Variants in PCDHGA3 observed in about 807,000 individuals in gnomAD.
PCDHGA3 encodes the protein protocadherin gamma-A3.
Under a neutral mutation model 58.5 loss-of-function variants are expected in PCDHGA3, and 40 were observed. The ratio of observed to expected loss-of-function variants is 0.68; its 90% CI spans 0.53 to 0.89. PCDHGA3 has a LOEUF of 0.89. Ranked by LOEUF, PCDHGA3 falls within the 40% of genes least tolerant of loss-of-function variation. The pLI, the probability that PCDHGA3 is intolerant of heterozygous loss-of-function variation, is 0.00. For synonymous variants in PCDHGA3, 530 were observed against 525.7 expected, an observed-to-expected ratio of 1.01 and a Z score of -0.11; for missense variants, 1,223 against 1,195.9, an observed-to-expected ratio of 1.02 and a Z score of -0.33.
In PCDHGA3 at chr5:141,457,578, C is replaced by T. The variant is rs538068150; in HGVS notation, c.2425-37229C>T. Among the ~76,000 whole-genome samples, 38 of 152,304 alleles carry T rather than the reference C, an allele frequency of 2.5e-4. No individual in the cohort carries two copies. The South Asian group carries it at 7.7e-3, about 31-fold the overall frequency. ...AGCTTTGGAGCAAAATTTTTCTCTC[C>T]AGTCCTCATTTTTGGTAAAAACTAA... On this transcript the variant is annotated intron_variant, in intron 1 of 3. Coordinates refer to ENST00000253812, the MANE Select transcript of PCDHGA3 (RefSeq NM_018916.4).
chr5:141,427,775 G>A (rs768191014), intron 1 of PCDHGA3: 35 of 1,424,948 alleles, frequency 2.5e-5, no homozygotes, highest in Non-Finnish European at 2.9e-5. Context: ...TGGAGCTGCG[G>A]GCACTGTCGT....
At chr5:141,409,964 G>A (rs1042730924) in intron 1 of PCDHGA3, 5 of 1,613,300 alleles carry the variant, frequency 3.1e-6, no homozygotes, top group East Asian at 2.2e-5. Flanking sequence ...CGGCTACCTA[G>A]TGACTAAGGT....
At chr5:141,438,362 T>C (rs1471364176) in intron 1 of PCDHGA3, among the ~76,000 whole-genome samples, 1 of 151,850 alleles carries the variant, frequency 6.6e-6, no homozygotes, top group East Asian at 1.9e-4. Flanking sequence ...TGTATTGTCA[T>C]TGAGGGCAGA....
chr5:141,476,267 G>T lies in PCDHGA3; in HGVS notation c.2425-18540G>T, dbSNP rs373758158. 15 of 1,614,056 alleles carry T rather than the reference G, an allele frequency of 9.3e-6. No homozygotes were observed. In the South Asian group the frequency reaches 1.6e-4, roughly 18 times the overall value. On this transcript the variant is annotated intron_variant, in intron 1 of 3. Transcript: ENST00000253812. This position sits in a 1 kb window ranked among gnomAD's most constrained non-coding sequence, Gnocchi z 7.6. ...GAAGGGTTTCGCTGTGGGCAACGTGGTCGCGAACCTTGGTTTGGATCTCGG... is the reference window on the plus strand; with the variant it reads ...GAAGGGTTTCGCTGTGGGCAACGTGTTCGCGAACCTTGGTTTGGATCTCGG...
At chr5:141,351,694 A>T in intron 1 of PCDHGA3, 1 of 1,613,918 alleles carries the variant, frequency 6.2e-7, no homozygotes, top group African/African-American at 1.3e-5. Context: ...CGGATTTGGG[A>T]CCCAACGGCA....
rs1257933448 is a variant in PCDHGA3, at chr5:141,490,285, G to C, written c.2425-4522G>C. 3 of 1,614,106 alleles carry C rather than the reference G, an allele frequency of 1.9e-6. No homozygotes were observed. In the African/African-American group the frequency reaches 4.0e-5, roughly 22 times the overall value. On this transcript the variant is annotated intron_variant, in intron 1 of 3. Coordinates refer to ENST00000253812, the MANE Select transcript of PCDHGA3 (RefSeq NM_018916.4). This position sits in a 1 kb window ranked among gnomAD's most constrained non-coding sequence, Gnocchi z 5.4. ...GGGGGATGTCAATGACAATGCCCCAGAGGTGCTATTGGCCTCTTTGGCCAA... is the reference window on the plus strand; with the variant it reads ...GGGGGATGTCAATGACAATGCCCCACAGGTGCTATTGGCCTCTTTGGCCAA...
At chr5:141,394,584 G>A in intron 1 of PCDHGA3, 1 of 1,613,902 alleles carries the variant, frequency 6.2e-7, no homozygotes. Context: ...GGTGACCAAG[G>A]TGGTGGCGGT....
chr5:141,442,725 G>A (rs1381140725), intron 1 of PCDHGA3, among the ~76,000 whole-genome samples: 1 of 152,198 alleles, frequency 6.6e-6, no homozygotes, highest in Admixed American at 6.5e-5. Flanking sequence ...AGCATTTGGG[G>A]CCTGTAGGTA....
chr5:141,357,406 C>T, intron 1 of PCDHGA3: 2 of 1,614,232 alleles, frequency 1.2e-6, no homozygotes, highest in Non-Finnish European at 1.7e-6. Context: ...GGCAGGTGTG[C>T]CTGCCTCGCA....
At position 141,414,317 on chromosome 5, in the gene PCDHGA3, AG is replaced by A. The variant is rs757847465; in HGVS notation, c.2424+67861del. On this transcript the variant is annotated intron_variant, in intron 1 of 3. Transcript: ENST00000253812. The stretch of plus-strand genomic sequence containing the variant: ...TTAAATGTGCATGATTTAGACTCTG[AG>A]CAGAATGGACAGGTAACCTGTTCCA... The A allele has an allele frequency of 1.9e-6, 3 of 1,613,828 alleles. No individual in the cohort carries two copies. In the South Asian group the frequency reaches 3.3e-5, roughly 18 times the overall value.
At chr5:141,440,150 A>G (rs770863453) in intron 1 of PCDHGA3, 1 of 152,244 alleles carries the variant, frequency 6.6e-6, no homozygotes, top group African/African-American at 2.4e-5. Context: ...ACGCCCCCCA[A>G]TTATAGCTTG....
intron 1 of PCDHGA3, chr5:141,377,877 A>T (rs2150119118): frequency 6.6e-6 from 1 of 152,320 alleles, no homozygotes; most frequent in South Asian, 2.1e-4. Flanking sequence ...TTCTCTTATC[A>T]GAGATAGGAT....
intron 1 of PCDHGA3, among the ~76,000 whole-genome samples, chr5:141,369,259 A>G (rs1009841286): frequency 6.6e-6 from 1 of 152,214 alleles, no homozygotes; most frequent in African/African-American, 2.4e-5. Flanking sequence ...TAATATAATT[A>G]TAAGGACTTA....
Position 141,494,692 on chromosome 5 carries a change from C to T in PCDHGA3, c.2425-115C>T. On this transcript the variant is annotated intron_variant, in intron 1 of 3. Coordinates refer to ENST00000253812, the MANE Select transcript of PCDHGA3 (RefSeq NM_018916.4). ...AGTCCACCCCTGCCCCCTCTTAGTC[C>T]GTTTTCTTCTCTGTGCCCACTCCCC... 2.5e-6 allele frequency: 4 copies of T among 1,581,934 alleles called. No individual in the cohort carries two copies. In the African/African-American group the frequency reaches 4.0e-5, roughly 16 times the overall value.
At chr5:141,427,294 AT>A (rs2097012877) in intron 1 of PCDHGA3, 1 of 456,758 alleles carries the variant, frequency 2.2e-6, no homozygotes, top group Non-Finnish European at 4.4e-6. Flanking sequence ...GAAATCCTAG[AT>A]GAGAATGACA....
intron 1 of PCDHGA3, chr5:141,360,795 A>G (rs755316172): frequency 2.5e-6 from 4 of 1,613,818 alleles, no homozygotes; most frequent in African/African-American, 2.7e-5. Context: ...GCGGAGACCC[A>G]CCTCAAAGTG....
intron 1 of PCDHGA3, chr5:141,366,528 C>A (rs777450935): frequency 4.3e-6 from 7 of 1,614,210 alleles, no homozygotes; most frequent in South Asian, 1.1e-5. Flanking sequence ...AGCAGGTTGG[C>A]GGGTGTGCCC....
At chr5:141,404,647 T>C (rs764645495) in intron 1 of PCDHGA3, 20 of 1,614,190 alleles carry the variant, frequency 1.2e-5, no homozygotes, top group Admixed American at 1.7e-5. Context: ...TCCTGTACCC[T>C]GCCCTCCCCA....
chr5:141,431,318 G>C lies in PCDHGA3; in HGVS notation c.2425-63489G>C. 1 of 1,614,086 alleles carries C rather than the reference G, an allele frequency of 6.2e-7. No homozygotes were observed. Among genetic ancestry groups the C allele is most frequent in the African/African-American group, 1.3e-5 (1 of 75,050 alleles). On this transcript the variant is annotated intron_variant, in intron 1 of 3. Transcript: ENST00000253812. The surrounding 1 kb of genome is among the most constrained non-coding windows in gnomAD (Gnocchi z 4.8). ...CTCCCTCATCGTGCAAAATGGAGCC[G>C]ACGGTAGTAAGTACCCCGAATTGGT...
Sources: gnomAD v4.1 joint callset for allele counts (sites outside exome capture counted in the v4.1 genomes callset) on GRCh38, gnomAD v4.1.1 for gene constraint, Gnocchi (gnomAD v3.1) non-coding constraint, MANE v1.5 for transcripts, NCBI Gene and HGNC (gene_info 2026-07-23, HGNC 2026-07-21) for gene names.